Variants in WDR24 observed in about 807,000 individuals in gnomAD.
WDR24 encodes the protein WD repeat domain 24.
Under a neutral mutation model 66.7 loss-of-function variants are expected in WDR24, and 32 were observed. The ratio of observed to expected loss-of-function variants is 0.48; its 90% confidence interval spans 0.36 to 0.64. The LOEUF (loss-of-function observed/expected upper bound fraction) is 0.64, where lower values mean the gene tolerates loss of function less well. Ranked by LOEUF, WDR24 falls within the 30% of genes least tolerant of loss-of-function variation. WDR24 has a pLI of 0.00. For synonymous variants in WDR24, 565 were observed against 469.1 expected, an observed-to-expected ratio of 1.20 and a Z score of -2.64; for missense variants, 978 against 1,144.1, an observed-to-expected ratio of 0.85 and a Z score of 2.09.
At chr16:688,325 C>A (rs1001460664) in intron 1 of WDR24, among the ~76,000 whole-genome samples, 1 of 152,222 alleles carries the variant, frequency 6.6e-6, no homozygotes, top group Non-Finnish European at 1.5e-5. Flanking sequence ...CTCCCTCTGT[C>A]ACCCAGGCTG....
At position 685,541 on chromosome 16, in the gene WDR24, C is replaced by G; in HGVS notation, c.1735G>C (p.Val579Leu). Residue 579 changes from valine to leucine, a missense_variant, in exon 7 of 9, where the codon GTG (valine) becomes CTG (leucine). Transcript: ENST00000293883. ...TGCTCGGGCCCGGGAGGCGTGTCCA[C>G]GATCTCGTGGCGCAGCGGAAAGGCC... ...QEAFPLRHEI[V>L]DTPPGPEHLQ... 1 of 1,586,226 alleles carries G rather than the reference C, an allele frequency of 6.3e-7. No homozygotes were observed. The highest frequency in any genetic ancestry group is 8.6e-7 in the Non-Finnish European group (1 of 1,164,196).
In WDR24 at chr16:685,508, C is replaced by G; in HGVS notation, c.1768G>C (p.Asp590His). ...DTPPGPEHLQ[D>H]KADSPHVSGS... is the part of the protein sequence containing the mutation. Reference sequence around the variant, plus strand: ...CTCACGTGCGGGGAGTCGGCCTTGTCCTGCAGGTGCTCGGGCCCGGGAGGC... The same window carrying G: ...CTCACGTGCGGGGAGTCGGCCTTGTGCTGCAGGTGCTCGGGCCCGGGAGGC... Residue 590 changes from aspartate to histidine, a missense_variant, in exon 7 of 9, where the codon GAC becomes CAC. Around this residue, in one of 2 missense-constraint regions of WDR24, gnomAD observed 676 missense variants for 617.5 expected, o/e 1.09. Coordinates refer to ENST00000293883, the MANE Select transcript of WDR24 (RefSeq NM_032259.4). 6.3e-7 allele frequency: 1 copy of G among 1,594,184 alleles called. No homozygotes were observed. The highest frequency in any genetic ancestry group is 8.6e-7 in the Non-Finnish European group (1 of 1,166,890).
Position 686,929 on chromosome 16 carries a change from G to C in WDR24, c.1147C>G (p.Leu383Val), listed in dbSNP as rs549402723. Residue 383 changes from leucine to valine, a missense_variant, in exon 3 of 9, where the codon CTG becomes GTG. Physicochemically the swap from Leu to Val is conservative, Grantham distance 32. Coordinates refer to ENST00000293883, the MANE Select transcript of WDR24 (RefSeq NM_032259.4). Reference sequence around the variant, plus strand: ...CCTGCGAAGGGCTCGGCAGGGTCCAGCTTGCGCTTAAAGAAGATGGGGTGG... The same window carrying C: ...CCTGCGAAGGGCTCGGCAGGGTCCACCTTGCGCTTAAAGAAGATGGGGTGG... Reference protein sequence around the residue: ...RRHPIFFKRKLDPAEPFAGLA... With the variant: ...RRHPIFFKRKVDPAEPFAGLA... 17 of 1,604,854 alleles carry C rather than the reference G, an allele frequency of 1.1e-5. No homozygotes were observed. Among genetic ancestry groups the C allele is most frequent in the Non-Finnish European group, 1.4e-5 (16 of 1,178,434 alleles).
Position 687,471 on chromosome 16 carries a change from C to T in WDR24, c.660-55G>A, listed in dbSNP as rs932162306. 7 of 1,564,622 alleles carry T rather than the reference C, an allele frequency of 4.5e-6. No homozygotes were observed. The African/African-American group carries it at 6.9e-5, about 16-fold the overall frequency. Reference sequence around the variant, plus strand: ...AGTGGCCTTTCCTGCAGAGAGGGGACCCCCCCGCTCTGCTGCTCCGGACTG... The same window carrying T: ...AGTGGCCTTTCCTGCAGAGAGGGGATCCCCCCGCTCTGCTGCTCCGGACTG... On this transcript the variant is annotated intron_variant, in intron 2 of 8. Transcript: ENST00000293883.
At position 685,749 on chromosome 16, in the gene WDR24, G is replaced by A. The variant is rs368212562; in HGVS notation, c.1608C>T (p.Ala536=). 8 of 1,613,140 alleles carry A rather than the reference G, an allele frequency of 5.0e-6. No individual in the cohort carries two copies. In the Admixed American group the frequency reaches 5.0e-5, roughly 10 times the overall value. ...NEETEGSDVP[A]DYLLGDVEGE... Reference sequence around the variant, plus strand: ...CTTCCACGTCACCCAGCAGGTAGTCGGCAGGTACGTCGCTGCCCTCGGTTT... The same window carrying A: ...CTTCCACGTCACCCAGCAGGTAGTCAGCAGGTACGTCGCTGCCCTCGGTTT... The change falls in exon 6 of 9, where the codon GCC becomes GCT. Residue 536 remains alanine, a synonymous_variant. Coordinates refer to ENST00000293883, the MANE Select transcript of WDR24 (RefSeq NM_032259.4).
At chr16:688,858 G>A in intron 1 of WDR24, 1 of 422,424 alleles carries the variant, frequency 2.4e-6, no homozygotes, top group Non-Finnish European at 4.4e-6. Context: ...GGAGTCAGTG[G>A]CTCTCTGCTC....
chr16:685,332 G>C lies in WDR24; in HGVS notation c.1944C>G (p.Gly648=), dbSNP rs374129029. The change falls in exon 7 of 9, where the codon GGC becomes GGG. Residue 648 remains glycine (G), a synonymous_variant. Coordinates refer to ENST00000293883, the MANE Select transcript of WDR24 (RefSeq NM_032259.4). ...RDMLHFYAEQ[G]DVQMAVSVLI... ...GCACAGACACAGCCATCTGCACGTC[G>C]CCCTGCTCAGCGTAGAAGTGCAGCA... is the stretch of plus-strand genomic sequence containing the variant. The C allele has an allele frequency of 1.2e-6, 2 of 1,608,980 alleles. No individual in the cohort carries two copies. Among genetic ancestry groups the C allele is most frequent in the Non-Finnish European group, 1.7e-6 (2 of 1,179,416 alleles).
Position 685,580 on chromosome 16 carries a change from C to T in WDR24, c.1696G>A (p.Val566Met), listed in dbSNP as rs1471475724. 5 of 1,593,136 alleles carry T rather than the reference C, an allele frequency of 3.1e-6. No homozygotes were observed. Among genetic ancestry groups the T allele is most frequent in the Non-Finnish European group, 3.4e-6 (4 of 1,168,848 alleles). The change falls in exon 7 of 9, where the codon GTG (valine) becomes ATG (methionine). Residue 566 changes from valine (V) to methionine (M), a missense_variant. This residue lies in a region of WDR24 where 676 missense variants were observed against 617.5 expected (regional missense o/e 1.09). Coordinates refer to ENST00000293883, the MANE Select transcript of WDR24 (RefSeq NM_032259.4). Reference sequence around the variant, plus strand: ...AGCGGAAAGGCCTCCTGCGGCAGCACGCACTCAGGGTCCTCGGCTGGAAGG... The same window carrying T: ...AGCGGAAAGGCCTCCTGCGGCAGCATGCACTCAGGGTCCTCGGCTGGAAGG... ...EHAHPEDPEC[V>M]LPQEAFPLRH...
In WDR24 at chr16:687,216, A is replaced by G; in HGVS notation, c.860T>C (p.Phe287Ser). ...TTCCTCAAACATGGCAGCTGGCACG[A>G]AGGGCCGGCGCACGTCCCAAACATA... ...NIYVWDVRRP[F>S]VPAAMFEEHR... The change falls in exon 3 of 9, where the codon TTC (phenylalanine) becomes TCC (serine). Residue 287 changes from phenylalanine (F) to serine (S), a missense_variant. Phe to Ser is a radical substitution (Grantham distance 155). Around this residue, in one of 2 missense-constraint regions of WDR24, gnomAD observed 302 missense variants for 526.6 expected, o/e 0.57. Coordinates refer to ENST00000293883, the MANE Select transcript of WDR24 (RefSeq NM_032259.4). 6.2e-7 allele frequency: 1 copy of G among 1,612,568 alleles called. No individual in the cohort carries two copies. Among genetic ancestry groups the G allele is most frequent in the Non-Finnish European group, 8.5e-7 (1 of 1,179,968 alleles).
Position 685,973 on chromosome 16 carries a change from A to G in WDR24, c.1469T>C (p.Met490Thr), listed in dbSNP as rs774359111. The stretch of plus-strand genomic sequence containing the variant: ...CGTCTCACTGCCCAACCCTGGGGCC[A>G]TATCCTTCAGGTTGAAACTGGGGGC... ...PLMNSFNLKD[M>T]APGLGSETRL... The change falls in exon 5 of 9, where the codon ATG becomes ACG. Residue 490 changes from methionine (M) to threonine (T), a missense_variant. By Grantham distance (81) the Met-to-Thr change is moderately conservative. Transcript: ENST00000293883. The G allele has an allele frequency of 1.5e-5, 24 of 1,612,922 alleles. No individual in the cohort carries two copies. Among genetic ancestry groups the G allele is most frequent in the Non-Finnish European group, 1.9e-5 (22 of 1,179,990 alleles).
rs2039950324 is a variant in WDR24, at chr16:690,197, G to A, written c.-557C>T. 1 of 392,228 alleles carries A rather than the reference G, an allele frequency of 2.5e-6. No individual in the cohort carries two copies. Among genetic ancestry groups the A allele is most frequent in the Non-Finnish European group, 5.1e-6 (1 of 197,612 alleles). The allele number at this position is 392,228 out of a possible 1,614,324, so 24.3% of individuals were successfully genotyped here. A position where few individuals can be genotyped will look rare whatever the true frequency, so the allele number is the denominator to read the frequency against. ...CGTCAAGGACCGAGCTACTTAAGGA[G>A]CTCGAGGTGTCTGGCGGGACCGGAG... On this transcript the variant is annotated 5_prime_UTR_variant, in exon 1 of 9. Coordinates refer to ENST00000293883, the MANE Select transcript of WDR24 (RefSeq NM_032259.4).
Position 687,318 on chromosome 16 carries a change from G to A in WDR24, c.758C>T (p.Ser253Leu), listed in dbSNP as rs2039920634. The A allele has an allele frequency of 6.2e-7, 1 of 1,603,598 alleles. No individual in the cohort carries two copies. The highest frequency in any genetic ancestry group is 8.5e-7 in the Non-Finnish European group (1 of 1,175,988). ...KEMHCVQTIA[S>L]VARVKWRPEC... ...TGGCCGCCACTTCACACGGGCCACCGAGGCGATGGTCTGCACACAGTGCAT... is the reference window on the plus strand; with the variant it reads ...TGGCCGCCACTTCACACGGGCCACCAAGGCGATGGTCTGCACACAGTGCAT... Residue 253 changes from serine (S) to leucine (L), a missense_variant, in exon 3 of 9, where the codon TCG (serine) becomes TTG (leucine). Ser to Leu is a moderately radical substitution (Grantham distance 145). Transcript: ENST00000293883.
At chr16:686,689 CA>C in intron 3 of WDR24, 54 bp downstream of exon 3, 1 of 1,529,004 alleles carries the variant, frequency 6.5e-7, no homozygotes, top group Non-Finnish European at 8.8e-7. Context: ...ACGGAGGAAC[CA>C]GCCCCTGCCC....
Position 689,989 on chromosome 16 carries a change from G to T in WDR24, c.-349C>A. 1 of 534,368 alleles carries T rather than the reference G, an allele frequency of 1.9e-6. No homozygotes were observed. The highest frequency in any genetic ancestry group is 3.6e-6 in the Non-Finnish European group (1 of 277,640). The allele number at this position is 534,368 out of a possible 1,614,324, so 33.1% of individuals were successfully genotyped here. On this transcript the variant is annotated 5_prime_UTR_variant, in exon 1 of 9. The change creates a new upstream start codon in the 5' untranslated region. Transcript: ENST00000293883. The stretch of plus-strand genomic sequence containing the variant: ...CACCTCTCGGTACCCCCATCAGCCA[G>T]ATCTGGGCAGTCACTAAACGCTCGG...
At chr16:687,512 G>A (rs761874293) in intron 2 of WDR24, 50 bp downstream of exon 2, 1 of 1,598,916 alleles carries the variant, frequency 6.3e-7, no homozygotes, top group Non-Finnish European at 8.5e-7. Context: ...TGGATCTGAG[G>A]CAGTGAGAGC....
In WDR24 at chr16:685,491, C is replaced by T. The variant is rs369890797; in HGVS notation, c.1785G>A (p.Pro595=). ...CATCCGCCTCGCTGCCGCTCACGTG[C>T]GGGGAGTCGGCCTTGTCCTGCAGGT... The part of the protein sequence containing the change: ...PEHLQDKADS[P]HVSGSEADVA... The change falls in exon 7 of 9, where the codon CCG becomes CCA. Residue 595 remains proline, a synonymous_variant. Transcript: ENST00000293883. The T allele has an allele frequency of 2.6e-5, 42 of 1,599,242 alleles. No homozygotes were observed. The African/African-American group carries it at 3.5e-4, about 13-fold the overall frequency.
Position 684,674 on chromosome 16 carries a change from G to A in WDR24, c.*60C>T. ...CAAGTTCCAGCCTCCGCCCGTCTCG[G>A]GCACAAGACCAGGCGGGGTTCTGCA... On this transcript the variant is annotated 3_prime_UTR_variant, in exon 9 of 9. Transcript: ENST00000293883. The A allele has an allele frequency of 1.3e-6, 2 of 1,497,898 alleles. No individual in the cohort carries two copies. Among genetic ancestry groups the A allele is most frequent in the Non-Finnish European group, 1.8e-6 (2 of 1,125,652 alleles). The allele number at this position is 1,497,898 out of a possible 1,614,324, so 92.8% of individuals were successfully genotyped here.
In WDR24 at chr16:689,851, T is replaced by A. The variant is rs760330713; in HGVS notation, c.-211A>T. ...GCTCAAATTCACTGGAGTCTGTCAG[T>A]CCAGCCCATCACCCTGGCTGAGCGG... On this transcript the variant is annotated 5_prime_UTR_variant, in exon 1 of 9. Transcript: ENST00000293883. 3 of 800,552 alleles carry A rather than the reference T, an allele frequency of 3.7e-6. No homozygotes were observed. Among genetic ancestry groups the A allele is most frequent in the African/African-American group, 1.7e-5 (1 of 59,052 alleles). 49.6% of individuals were successfully genotyped at this position (800,552 alleles called of 1,614,324 possible).
In WDR24 at chr16:684,624, G is replaced by T. The variant is rs2039860593; in HGVS notation, c.*110C>A. The T allele has an allele frequency of 3.5e-6, 5 of 1,439,502 alleles. No individual in the cohort carries two copies. The highest frequency in any genetic ancestry group is 3.6e-6 in the Non-Finnish European group (4 of 1,099,314). The allele number at this position is 1,439,502 out of a possible 1,614,324, so 89.2% of individuals were successfully genotyped here. ...TGGGGTGACACGCAGTGCCGACAGC[G>T]GCTCTACTTCCTTTATTGAGGTCTC... is the stretch of plus-strand genomic sequence containing the variant. On this transcript the variant is annotated 3_prime_UTR_variant, in exon 9 of 9. Coordinates refer to ENST00000293883, the MANE Select transcript of WDR24 (RefSeq NM_032259.4).
Sources: allele counts gnomAD v4.1 joint callset (sites outside exome capture counted in the v4.1 genomes callset), GRCh38; gene constraint gnomAD v4.1.1; regional missense constraint gnomAD v4.1.1; transcripts MANE v1.5; gene names NCBI Gene and HGNC (gene_info 2026-07-23, HGNC 2026-07-21).